Variants in ZFYVE9 observed in about 807,000 individuals in gnomAD.
ZFYVE9 encodes zinc finger FYVE domain-containing protein 9.
A neutral mutation model predicts 126.7 loss-of-function variants in ZFYVE9; 43 were observed. The observed-to-expected ratio is 0.34, with a 90% CI of 0.27 to 0.44. ZFYVE9 has a LOEUF of 0.44. Ranked by LOEUF, ZFYVE9 falls within the 20% of genes least tolerant of loss-of-function variation. ZFYVE9 has a pLI of 1.00. For synonymous variants in ZFYVE9, 521 were observed against 597.4 expected (o/e 0.87, Z 1.87); for missense variants, 1,476 against 1,697.0 (o/e 0.87, Z 2.29).
intron 13 of ZFYVE9, among the ~76,000 whole-genome samples, chr1:52,312,880 C>T (rs1646151104): frequency 6.6e-6 from 1 of 152,110 alleles, no homozygotes; most frequent in Non-Finnish European, 1.5e-5. Context: ...CTCCCAGTAC[C>T]TCAGAATATG....
At chr1:52,178,132 A>G (rs1156326830) in intron 1 of ZFYVE9, among the ~76,000 whole-genome samples, 4 of 151,606 alleles carry the variant, frequency 2.6e-5, no homozygotes, top group African/African-American at 9.7e-5. Context: ...ACAAAAAATT[A>G]GCTGGGTGTG....
At chr1:52,329,474 G>GA (rs1159322915) in intron 13 of ZFYVE9, among the ~76,000 whole-genome samples, 1 of 151,288 alleles carries the variant, frequency 6.6e-6, no homozygotes, top group Non-Finnish European at 1.5e-5. Context: ...AGCAACAAAA[G>GA]AAAAAAAATA....
At position 52,266,791 on chromosome 1, in the gene ZFYVE9, G is replaced by T. The variant is rs777152848; in HGVS notation, c.2415G>T (p.Val805=). 6.2e-7 allele frequency: 1 copy of T among 1,609,780 alleles called. No homozygotes were observed. The highest frequency in any genetic ancestry group is 1.7e-5 in the Admixed American group (1 of 59,140). The change falls in exon 6 of 19, where the codon GTG becomes GTT. Residue 805 remains valine, a synonymous_variant. Transcript: ENST00000287727. ...CTCTGAGCTCTCCACCTCCCACTGT[G>T]ATGGTACCTGTGGGAGTTTTAAAGC... ...SGALSSPPPT[V]MVPVGVLKHP... is the part of the protein sequence containing the mutation.
chr1:52,173,396 T>C (rs976072813), intron 1 of ZFYVE9, among the ~76,000 whole-genome samples: 41 of 152,282 alleles, frequency 2.7e-4, no homozygotes, highest in African/African-American at 9.1e-4. Flanking sequence ...CTGCTGGATT[T>C]GGTTTGCCAG....
chr1:52,340,314 T>C, intron 17 of ZFYVE9, 83 bp downstream of exon 17: 1 of 998,528 alleles, frequency 1.0e-6, no homozygotes, highest in Non-Finnish European at 1.5e-6. Flanking sequence ...GGGTTGACTT[T>C]GTAGGATAAG....
At chr1:52,332,625 C>G (rs1266740840) in intron 13 of ZFYVE9, 143 bp from the exon 14 acceptor site, 18 of 970,222 alleles carry the variant, frequency 1.9e-5, no homozygotes, top group Non-Finnish European at 7.3e-6. Context: ...CATTTTTTTA[C>G]TTTGTTTCAT....
rs975430437 is a variant in ZFYVE9 at position 52,242,031 on chromosome 1, C to CTTTTTTT, written c.2178+2453_2178+2459dup. ...TTGGAATTTATGATGTCATGGCAATCTTTTTTTTTTTTTTTTTTTTTTTGA... is the reference window on the plus strand; with the variant it reads ...TTGGAATTTATGATGTCATGGCAATCTTTTTTTTTTTTTTTTTTTTTTTTTTTTTTGA... On this transcript the variant is annotated intron_variant, in intron 4 of 18. Transcript: ENST00000287727. Among the ~76,000 whole-genome samples the CTTTTTTT allele has an allele frequency of 7.7e-4, 82 of 106,440 alleles. 1 individual carries two copies. Among genetic ancestry groups the CTTTTTTT allele is most frequent in the Non-Finnish European group, 1.1e-3 (61 of 54,484 alleles). 69.8% of individuals were successfully genotyped at this position (106,440 alleles called of 152,430 possible).
intron 2 of ZFYVE9, among the ~76,000 whole-genome samples, chr1:52,220,064 C>T (rs991809943): frequency 1.6e-4 from 25 of 152,044 alleles, no homozygotes; most frequent in African/African-American, 6.0e-4. Flanking sequence ...GTGTGAGCCA[C>T]CACACCCTGC....
At chr1:52,285,136 G>T (rs989239679) in intron 10 of ZFYVE9, among the ~76,000 whole-genome samples, 2 of 152,110 alleles carry the variant, frequency 1.3e-5, no homozygotes, top group Admixed American at 6.6e-5. Context: ...GTAGCTCCCA[G>T]ATCAGTATTG....
intron 13 of ZFYVE9, among the ~76,000 whole-genome samples, chr1:52,318,514 A>C (rs1646208563): frequency 6.6e-6 from 1 of 151,958 alleles, no homozygotes; most frequent in Non-Finnish European, 1.5e-5. Context: ...TTCCCCTTTA[A>C]GATTGGAAAC....
chr1:52,337,743 C>T (rs1646401800), intron 15 of ZFYVE9, 29 bp from the exon 16 acceptor site: 2 of 1,599,460 alleles, frequency 1.3e-6, no homozygotes, highest in South Asian at 1.1e-5. Context: ...TTTCATTTGC[C>T]TCTCCTTTGG....
chr1:52,148,831 G>A (rs933597710), intron 1 of ZFYVE9, among the ~76,000 whole-genome samples: 2 of 151,372 alleles, frequency 1.3e-5, no homozygotes, highest in African/African-American at 4.9e-5. Flanking sequence ...TAGTAGCGAC[G>A]GGATTTCACC....
chr1:52,165,533 A>G (rs1644505550), intron 1 of ZFYVE9, among the ~76,000 whole-genome samples: 1 of 152,216 alleles, frequency 6.6e-6, no homozygotes, highest in African/African-American at 2.4e-5. Context: ...ATATGATTGA[A>G]TTAGATGGCC....
intron 13 of ZFYVE9, among the ~76,000 whole-genome samples, chr1:52,325,710 T>A (rs538974627): frequency 7.2e-5 from 11 of 152,208 alleles, no homozygotes; most frequent in African/African-American, 2.7e-4. Flanking sequence ...TCAGCAAGTA[T>A]TTATGGAGTG....
chr1:52,186,901 A>T (rs894486890), intron 1 of ZFYVE9, among the ~76,000 whole-genome samples: 3 of 152,212 alleles, frequency 2.0e-5, no homozygotes, highest in African/African-American at 7.2e-5. Flanking sequence ...TGTCCAAAGC[A>T]ACTTACAGAT....
At chr1:52,318,894 C>G (rs1280544249) in intron 13 of ZFYVE9, among the ~76,000 whole-genome samples, 1 of 152,118 alleles carries the variant, frequency 6.6e-6, no homozygotes, top group East Asian at 1.9e-4. Context: ...CCCAGGAGTT[C>G]TAGACCAGCC....
At chr1:52,172,482 G>A (rs1431563713) in intron 1 of ZFYVE9, among the ~76,000 whole-genome samples, 12 of 152,066 alleles carry the variant, frequency 7.9e-5, no homozygotes, top group South Asian at 2.1e-4. Flanking sequence ...TTGGTGATTC[G>A]GGCTCTTTTT....
chr1:52,167,556 G>A (rs1255421546), intron 1 of ZFYVE9, among the ~76,000 whole-genome samples: 1 of 152,022 alleles, frequency 6.6e-6, no homozygotes, highest in Non-Finnish European at 1.5e-5. Context: ...CTTTTACCCT[G>A]ATATATGATG....
In ZFYVE9 at chr1:52,263,787, C is replaced by T; in HGVS notation, c.2193C>T (p.Ser731=). The part of the protein sequence containing the change: ...CRACGKVFCA[S]CCSLKCKLLY... ...CCCCCCCACAGGTTTTCTGTGCTTC[C>T]TGCTGTAGCCTGAAATGTAAACTGT... The change falls in exon 5 of 19, where the codon TCC becomes TCT. Residue 731 remains serine, a synonymous_variant. Coordinates refer to ENST00000287727, the MANE Select transcript of ZFYVE9 (RefSeq NM_004799.4). 9.2e-7 allele frequency: 1 copy of T among 1,082,976 alleles called. No homozygotes were observed. The allele number at this position is 1,082,976 out of a possible 1,614,324, so 67.1% of individuals were successfully genotyped here.
Sources: allele counts gnomAD v4.1 joint callset (sites outside exome capture counted in the v4.1 genomes callset), GRCh38; gene constraint gnomAD v4.1.1; transcripts MANE v1.5; gene names NCBI Gene and HGNC (gene_info 2026-07-23, HGNC 2026-07-21).